Variants in TTL observed in about 807,000 individuals in gnomAD.
The protein encoded by TTL is tubulin--tyrosine ligase.
In TTL, 10 loss-of-function variants were observed where a neutral mutation model predicts 41.1. The ratio of observed to expected loss-of-function variants is 0.24; its 90% CI spans 0.15 to 0.41. The LOEUF (loss-of-function observed/expected upper bound fraction) is 0.41, where lower values mean the gene tolerates loss of function less well. Among genes scored for constraint, TTL ranks in the 10% least tolerant of loss-of-function variants. The probability of loss-of-function intolerance (pLI) is 1.00; values close to 1 mark genes in which losing one functional copy is unlikely to be tolerated. For synonymous variants in TTL, 175 were observed against 175.5 expected (o/e 1.00, Z 0.02); for missense variants, 367 against 460.4 (o/e 0.80, Z 1.86).
chr2:112,520,750 T>C (rs761603074), intron 6 of TTL: 5 of 247,030 alleles, frequency 2.0e-5, no homozygotes, highest in Non-Finnish European at 4.0e-5. Context: ...AAACCCCATC[T>C]CTACAAAAAA....
At chr2:112,521,780 A>C (rs1290486990) in intron 6 of TTL, among the ~76,000 whole-genome samples, 1 of 152,224 alleles carries the variant, frequency 6.6e-6, no homozygotes, top group Non-Finnish European at 1.5e-5. Context: ...TACCAGGCAG[A>C]TGTCAATTAC....
chr2:112,521,424 G>A, intron 6 of TTL: 4 of 912,638 alleles, frequency 4.4e-6, no homozygotes, highest in Non-Finnish European at 5.2e-6. Context: ...GGGTTCTTCT[G>A]AAGATCCTCT....
chr2:112,524,280 C>T (rs1443736903), intron 6 of TTL, among the ~76,000 whole-genome samples: 1 of 152,122 alleles, frequency 6.6e-6, no homozygotes, highest in East Asian at 1.9e-4. Flanking sequence ...TTTATAGCAG[C>T]ATGATTTATA....
intron 6 of TTL, among the ~76,000 whole-genome samples, 181 bp from the exon 7 acceptor site, chr2:112,528,500 T>C (rs1386777963): frequency 1.3e-5 from 2 of 152,050 alleles, no homozygotes; most frequent in Non-Finnish European, 2.9e-5. Flanking sequence ...CTTGGGAGGC[T>C]AAGGTGGGAG....
At chr2:112,519,550 G>GTT (rs34836273) in intron 5 of TTL, among the ~76,000 whole-genome samples, 75 of 110,448 alleles carry the variant, frequency 6.8e-4, no homozygotes, top group African/African-American at 1.3e-3. Flanking sequence ...AGGTCAACAT[G>GTT]TTTTTTTTTT....
chr2:112,490,305 C>T (rs1681347782), intron 2 of TTL, among the ~76,000 whole-genome samples: 1 of 152,020 alleles, frequency 6.6e-6, no homozygotes, highest in Non-Finnish European at 1.5e-5. Context: ...GTAATCCCAG[C>T]TACTTGGGAG....
intron 5 of TTL, among the ~76,000 whole-genome samples, chr2:112,515,948 GAATAAATAAATAAATA>G (rs59842188): frequency 7.3e-4 from 107 of 145,634 alleles, no homozygotes; most frequent in African/African-American, 2.3e-3. Flanking sequence ...CTCCATCTCA[GAATAAATAAATAAATA>G]AATAAATAAA....
Position 112,528,694 on chromosome 2 carries a change from G to C in TTL, c.1033G>C (p.Glu345Gln). The stretch of plus-strand genomic sequence containing the variant: ...AACACATTTCAGGAAGCTCTATGCA[G>C]AACTGTGCCAAGGCATCGTGGACAT... ...APACAQKLYA[E>Q]LCQGIVDIAI... is the part of the protein sequence containing the mutation. The change falls in exon 7 of 7, where the codon GAA becomes CAA. Residue 345 changes from glutamate (E) to glutamine (Q), a missense_variant. Coordinates refer to ENST00000233336, the MANE Select transcript of TTL (RefSeq NM_153712.5). The C allele has an allele frequency of 6.2e-7, 1 of 1,613,982 alleles. No individual in the cohort carries two copies. The highest frequency in any genetic ancestry group is 1.7e-5 in the Admixed American group (1 of 60,020).
At position 112,520,011 on chromosome 2, in the gene TTL, T is replaced by C. The variant is rs1402154059; in HGVS notation, c.876-271T>C. On this transcript the variant is annotated intron_variant, in intron 5 of 6. Transcript: ENST00000233336. ...TGGGTGCGGTGGCGCATGCCTGTAA[T>C]CCCAGCTGCTCGGGAGGCTGAAGCA... 2.7e-5 allele frequency among the ~76,000 whole-genome samples: 4 copies of C among 150,650 alleles called. No individual in the cohort carries two copies. The Admixed American group carries it at 2.7e-4, about 10-fold the overall frequency.
rs1682749084 is a variant in TTL, at chr2:112,541,652, C to G, written c.*12857C>G. ...GTTGTATACATAGGTCAAAACTTAA[C>G]GCGTACACTTTAAATGTGTGGTTTA... On this transcript the variant is annotated 3_prime_UTR_variant, in exon 7 of 7. Coordinates refer to ENST00000233336, the MANE Select transcript of TTL (RefSeq NM_153712.5). 5.8e-6 allele frequency: 1 copy of G among 173,002 alleles called. No individual in the cohort carries two copies. Among genetic ancestry groups the G allele is most frequent in the African/African-American group, 2.4e-5 (1 of 41,666 alleles). 10.7% of individuals were successfully genotyped at this position (173,002 alleles called of 1,614,324 possible).
At position 112,539,851 on chromosome 2, in the gene TTL, C is replaced by A. The variant is rs1682677507; in HGVS notation, c.*11056C>A. 1 of 152,110 alleles carries A rather than the reference C, an allele frequency of 6.6e-6. No homozygotes were observed. Among genetic ancestry groups the A allele is most frequent in the African/African-American group, 2.4e-5 (1 of 41,400 alleles). The allele number at this position is 152,110 out of a possible 1,614,324, so 9.4% of individuals were successfully genotyped here. On this transcript the variant is annotated 3_prime_UTR_variant, in exon 7 of 7. Coordinates refer to ENST00000233336, the MANE Select transcript of TTL (RefSeq NM_153712.5). ...GATTGCCAGACACAAGATCAATATA[C>A]AAAACTCAATGGTATTTCTACATAT...
rs2104492118 is a variant in TTL at position 112,541,433 on chromosome 2, G to C, written c.*12638G>C. 1 of 152,298 alleles carries C rather than the reference G, an allele frequency of 6.6e-6. No individual in the cohort carries two copies. Among genetic ancestry groups the C allele is most frequent in the East Asian group, 1.9e-4 (1 of 5,176 alleles). 9.4% of individuals were successfully genotyped at this position (152,298 alleles called of 1,614,324 possible). A position where few individuals can be genotyped will look rare whatever the true frequency, so the allele number is the denominator to read the frequency against. ...GGGAGGCAAGGCGAGAGGATCACTA[G>C]AGGCCGGAAGTTCAAGACCAGCCTG... is the stretch of plus-strand genomic sequence containing the variant. On this transcript the variant is annotated 3_prime_UTR_variant, in exon 7 of 7. Transcript: ENST00000233336.
intron 3 of TTL, among the ~76,000 whole-genome samples, chr2:112,499,411 G>C (rs1290968767): frequency 6.6e-6 from 1 of 152,068 alleles, no homozygotes; most frequent in African/African-American, 2.4e-5. Context: ...ATTCAATAGA[G>C]GAAGGATAAA....
At chr2:112,514,341 T>G (rs1334121630) in intron 5 of TTL, among the ~76,000 whole-genome samples, 1 of 151,330 alleles carries the variant, frequency 6.6e-6, no homozygotes, top group African/African-American at 2.4e-5. Context: ...AAAATTGTGC[T>G]GCTGCACTCC....
In TTL at chr2:112,540,721, A is replaced by G. The variant is rs1043771140; in HGVS notation, c.*11926A>G. ...GATTTTCGACAAGGAGGCCAAGACAATTTGATGAGGGAAAGAATAGTCTTT... is the reference window on the plus strand; with the variant it reads ...GATTTTCGACAAGGAGGCCAAGACAGTTTGATGAGGGAAAGAATAGTCTTT... On this transcript the variant is annotated 3_prime_UTR_variant, in exon 7 of 7. Transcript: ENST00000233336. 6.6e-6 allele frequency: 1 copy of G among 152,200 alleles called. No individual in the cohort carries two copies. Among genetic ancestry groups the G allele is most frequent in the Non-Finnish European group, 1.5e-5 (1 of 68,042 alleles). 9.4% of individuals were successfully genotyped at this position (152,200 alleles called of 1,614,324 possible).
chr2:112,483,249 A>G (rs1574050424), intron 1 of TTL: 1 of 152,348 alleles, frequency 6.6e-6, no homozygotes, highest in East Asian at 1.9e-4. Context: ...GCTGGGCACC[A>G]CCATACCCAC....
chr2:112,513,183 T>G (rs1223607174), intron 5 of TTL, among the ~76,000 whole-genome samples: 2 of 152,118 alleles, frequency 1.3e-5, no homozygotes, highest in Non-Finnish European at 2.9e-5. Context: ...CAGTTTTATA[T>G]ATATATTTGC....
rs1303922793 is a variant in TTL at position 112,534,106 on chromosome 2, G to A, written c.*5311G>A. The A allele has an allele frequency of 6.6e-6, 1 of 152,192 alleles. No homozygotes were observed. 9.4% of individuals were successfully genotyped at this position (152,192 alleles called of 1,614,324 possible). A position where few individuals can be genotyped will look rare whatever the true frequency, so the allele number is the denominator to read the frequency against. ...GGAGGCCAAGGCGGGCGATCACGAG[G>A]TCAGGAGATGGAGACCATCCTGGCT... On this transcript the variant is annotated 3_prime_UTR_variant, in exon 7 of 7. Transcript: ENST00000233336.
rs903743190 is a variant in TTL, at chr2:112,540,189, G to C, written c.*11394G>C. ...GTGGTGGCTCACACCTGTAATCCCA[G>C]CACTTTGGGCGGCCAAGGCAGATGG... is the stretch of plus-strand genomic sequence containing the variant. On this transcript the variant is annotated 3_prime_UTR_variant, in exon 7 of 7. Transcript: ENST00000233336. 2.6e-5 allele frequency: 4 copies of C among 152,176 alleles called. No individual in the cohort carries two copies. The highest frequency in any genetic ancestry group is 9.7e-5 in the African/African-American group (4 of 41,438). The allele number at this position is 152,176 out of a possible 1,614,324, so 9.4% of individuals were successfully genotyped here.
Sources: allele counts gnomAD v4.1 joint callset (sites outside exome capture counted in the v4.1 genomes callset), GRCh38; gene constraint gnomAD v4.1.1; transcripts MANE v1.5; gene names NCBI Gene and HGNC (gene_info 2026-07-23, HGNC 2026-07-21).